Variants in MEF2B observed in about 807,000 individuals in gnomAD.
The protein encoded by MEF2B is myocyte enhancer factor 2B, also known as myocyte-specific enhancer factor 2B.
A neutral mutation model predicts 32.2 loss-of-function variants in MEF2B; 15 were observed. That is an observed-to-expected ratio of 0.47 (90% CI 0.31 to 0.72). The LOEUF (loss-of-function observed/expected upper bound fraction) is 0.72, where lower values mean the gene tolerates loss of function less well. MEF2B is among the 30% of genes least tolerant of loss of function. The pLI is 0.05. For missense variants in MEF2B, 441 were observed against 511.5 expected (o/e 0.86, Z 1.33); for synonymous variants, 205 against 225.6 (o/e 0.91, Z 0.82).
intron 1 of MEF2B, among the ~76,000 whole-genome samples, chr19:19,153,129 C>G (rs58190593): frequency 6.6e-6 from 1 of 152,196 alleles, no homozygotes; most frequent in Admixed American, 6.5e-5. Context: ...CAGGGTCCCA[C>G]GAGAGCAGCA....
At chr19:19,146,067 G>A (rs2060023077) in intron 8 of MEF2B, 45 bp from the exon 9 acceptor site, 1 of 1,383,876 alleles carries the variant, frequency 7.2e-7, no homozygotes, top group South Asian at 1.6e-5. Flanking sequence ...CAGCGAGGAA[G>A]GGAAGGAAGC....
intron 2 of MEF2B, 28 bp downstream of exon 2, chr19:19,150,654 C>T (rs2146359221): frequency 6.2e-7 from 1 of 1,613,962 alleles, no homozygotes; most frequent in South Asian, 1.1e-5. Flanking sequence ...ATGTCTTTCC[C>T]AGCCACTGTT....
intron 1 of MEF2B, 33 bp from the exon 2 acceptor site, chr19:19,150,797 T>C: frequency 6.2e-7 from 1 of 1,612,660 alleles, no homozygotes. Context: ...ACAGAGTGAG[T>C]GGGTGGAGAG....
intron 3 of MEF2B, 105 bp from the exon 4 acceptor site, chr19:19,147,937 G>T: frequency 2.0e-6 from 3 of 1,476,420 alleles, no homozygotes; most frequent in South Asian, 1.4e-5. Context: ...CTCCATGAGT[G>T]GGGAGGAATG....
chr19:19,151,851 G>A (rs999062824), intron 1 of MEF2B, among the ~76,000 whole-genome samples: 2 of 152,092 alleles, frequency 1.3e-5, no homozygotes, highest in East Asian at 3.9e-4. Context: ...GGCCGGTCAC[G>A]GTGGCTCACG....
chr19:19,150,617 T>G (rs891278044), intron 2 of MEF2B, 65 bp downstream of exon 2: 1 of 1,609,878 alleles, frequency 6.2e-7, no homozygotes, highest in African/African-American at 1.3e-5. Context: ...GGTCAGTCCC[T>G]TGCCTAGGCC....
rs770806369 is a variant in MEF2B, at chr19:19,145,838, C to G, written c.1066G>C (p.Ala356Pro). ...SLAEPLRPGP[A>P]LRRLPLADGW... ...TCGGCCAAGGGCAGCCGGCGCAGGG[C>G]GGGCCCAGGCCGCAGAGGCTCTGCC... The change falls in exon 9 of 9, where the codon GCC becomes CCC. Residue 356 changes from alanine to proline, a missense_variant. Physicochemically the swap from Ala to Pro is conservative, Grantham distance 27. Coordinates refer to ENST00000424583, the MANE Select transcript of MEF2B (RefSeq NM_001145785.2). This position sits in a 1 kb window ranked among gnomAD's most constrained non-coding sequence, Gnocchi z 4.6. The G allele has an allele frequency of 2.6e-6, 4 of 1,514,326 alleles. No individual in the cohort carries two copies. In the South Asian group the frequency reaches 5.0e-5, roughly 19 times the overall value. The allele number at this position is 1,514,326 out of a possible 1,614,324, so 93.8% of individuals were successfully genotyped here. A position where few individuals can be genotyped will look rare whatever the true frequency, so the allele number is the denominator to read the frequency against.
intron 1 of MEF2B, among the ~76,000 whole-genome samples, chr19:19,160,897 C>T (rs1161700976): frequency 6.6e-6 from 1 of 152,104 alleles, no homozygotes. Flanking sequence ...CCCGCCTCCT[C>T]CCCGGGGGCC....
intron 1 of MEF2B, among the ~76,000 whole-genome samples, chr19:19,165,700 G>A (rs1408949391): frequency 6.6e-6 from 1 of 152,186 alleles, no homozygotes; most frequent in African/African-American, 2.4e-5. Context: ...GGAATTTTCA[G>A]AAGACCCTGT....
intron 1 of MEF2B, among the ~76,000 whole-genome samples, chr19:19,161,645 A>G (rs1285450126): frequency 6.6e-6 from 1 of 151,764 alleles, no homozygotes; most frequent in African/African-American, 2.4e-5. Flanking sequence ...CCGCAAATAC[A>G]CACAGACCCC....
chr19:19,153,928 C>T (rs2060102505), intron 1 of MEF2B, among the ~76,000 whole-genome samples: 1 of 151,644 alleles, frequency 6.6e-6, no homozygotes, highest in Non-Finnish European at 1.5e-5. Context: ...TTTTTATTTT[C>T]TTTTTGTAGA....
rs753287292 is a variant in MEF2B at position 19,147,811 on chromosome 19, C to T, written c.280G>A (p.Gly94Ser). Residue 94 changes from glycine to serine, a missense_variant, in exon 4 of 9, where the codon GGC becomes AGC. Coordinates refer to ENST00000424583, the MANE Select transcript of MEF2B (RefSeq NM_001145785.2). The part of the protein sequence containing the change: ...ILETLKRRGI[G>S]LDGPELEPDE... ...GGCTCCAGCTCTGGCCCATCGAGGC[C>T]AATGCCCCTCCGCTTCAGCGTCTAT... 2 of 1,613,534 alleles carry T rather than the reference C, an allele frequency of 1.2e-6. No individual in the cohort carries two copies. The highest frequency in any genetic ancestry group is 2.2e-5 in the South Asian group (2 of 91,086).
intron 1 of MEF2B, among the ~76,000 whole-genome samples, chr19:19,169,406 G>T (rs2060235380): frequency 6.6e-6 from 1 of 152,022 alleles, no homozygotes; most frequent in African/African-American, 2.4e-5. Context: ...GTCTCACTAT[G>T]TTGCCCAGGC....
In MEF2B at chr19:19,146,831, T is replaced by A; in HGVS notation, c.586A>T (p.Thr196Ser). 1 of 1,613,628 alleles carries A rather than the reference T, an allele frequency of 6.2e-7. No individual in the cohort carries two copies. The highest frequency in any genetic ancestry group is 2.2e-5 in the East Asian group (1 of 44,874). Residue 196 changes from threonine to serine, a missense_variant, in exon 6 of 9, where the codon ACA (threonine) becomes TCA (serine). Around this residue, in one of 2 missense-constraint regions of MEF2B, gnomAD observed 326 missense variants for 328.4 expected, o/e 0.99. Transcript: ENST00000424583. ...LFSPSHLTSK[T>S]PPPLYLPTEG... ...GTCGGCAGGTACAGTGGGGGTGGTG[T>A]CTTGCTGGTGAGGTGGCTTGGTGAG... is the stretch of plus-strand genomic sequence containing the variant.
At position 19,149,412 on chromosome 19, in the gene MEF2B, C is replaced by A; in HGVS notation, c.72G>T (p.Arg24=). The change falls in exon 3 of 9, where the codon CGG becomes CGT. Residue 24 remains arginine (R), a synonymous_variant. Transcript: ENST00000424583. Reference sequence around the variant, plus strand: ...AGGCCTTCTTCATCAGCCCGAACTTCCGCTTGGTGAACGTCACCTGGACCC... The same window carrying A: ...AGGCCTTCTTCATCAGCCCGAACTTACGCTTGGTGAACGTCACCTGGACCC... ...QRNRQVTFTK[R]KFGLMKKAYE... is the part of the protein sequence containing the mutation. The A allele has an allele frequency of 6.2e-7, 1 of 1,613,992 alleles. No homozygotes were observed.
chr19:19,146,337 GGGGCTGCAACAAGCCAGGGGGCGGTGGA>G lies in MEF2B; in HGVS notation c.789_816del (p.Pro266TrpfsTer129). On this transcript the variant is annotated frameshift_variant, in exon 8 of 9. Transcript: ENST00000424583. LOFTEE classifies it high-confidence loss of function. ...GAGGGCTGCCAGGGGGCCAGGGTGG[GGGGCTGCAACAAGCCAGGGGGCGGTGGA>G]GGGTCTCCCAGGCCATATTCTGGTG... 1 of 1,235,036 alleles carries G rather than the reference GGGGCTGCAACAAGCCAGGGGGCGGTGGA, an allele frequency of 8.1e-7. No homozygotes were observed. The highest frequency in any genetic ancestry group is 1.1e-6 in the Non-Finnish European group (1 of 940,364). The allele number at this position is 1,235,036 out of a possible 1,614,324, so 76.5% of individuals were successfully genotyped here.
chr19:19,161,321 A>C (rs577568840), intron 1 of MEF2B, among the ~76,000 whole-genome samples: 55 of 152,118 alleles, frequency 3.6e-4, no homozygotes, highest in African/African-American at 1.3e-3. Flanking sequence ...GTATGGGCAT[A>C]ATGGGAGGTA....
In MEF2B at chr19:19,150,700, C is replaced by G. The variant is rs1370261109; in HGVS notation, c.36G>C (p.Leu12=). Residue 12 remains leucine (L), a synonymous_variant, in exon 2 of 9, where the codon CTG becomes CTC. Coordinates refer to ENST00000424583, the MANE Select transcript of MEF2B (RefSeq NM_001145785.2). ...AACTCACCTGCCGATTCCTTTGGTC[C>G]AGGATGCGGGAGATCTGGATTTTTT... ...GRKKIQISRI[L]DQRNRQVTFT... The G allele has an allele frequency of 1.9e-6, 3 of 1,614,170 alleles. No homozygotes were observed. The highest frequency in any genetic ancestry group is 8.5e-7 in the Non-Finnish European group (1 of 1,180,030).
At position 19,150,678 on chromosome 19, in the gene MEF2B, TCA is replaced by T. The variant is rs1470826842; in HGVS notation, c.54+2_54+3del. 1 of 1,614,206 alleles carries T rather than the reference TCA, an allele frequency of 6.2e-7. No homozygotes were observed. Among genetic ancestry groups the T allele is most frequent in the Non-Finnish European group, 8.5e-7 (1 of 1,180,034 alleles). Reference sequence around the variant, plus strand: ...CCAGCCACTGTTCCACCCAGTGAACTCACCTGCCGATTCCTTTGGTCCAGGAT... The same window carrying T: ...CCAGCCACTGTTCCACCCAGTGAACTCCTGCCGATTCCTTTGGTCCAGGAT... On this transcript the variant is annotated splice_donor_variant and splice_donor_region_variant and intron_variant, in intron 2 of 8. Coordinates refer to ENST00000424583, the MANE Select transcript of MEF2B (RefSeq NM_001145785.2). LOFTEE classifies it high-confidence loss of function.
Sources: gnomAD v4.1 joint callset for allele counts (sites outside exome capture counted in the v4.1 genomes callset) on GRCh38, gnomAD v4.1.1 for gene constraint, gnomAD v4.1.1 regional missense constraint, Gnocchi (gnomAD v3.1) non-coding constraint, MANE v1.5 for transcripts, NCBI Gene and HGNC (gene_info 2026-07-23, HGNC 2026-07-21) for gene names.